The following CCDC14 variants were observed in gnomAD, a reference collection of about 807,000 sequenced individuals.
CCDC14 encodes the protein coiled-coil domain-containing protein 14.
In CCDC14, 71 loss-of-function variants were observed where a neutral mutation model predicts 81.4. The observed-to-expected ratio is 0.87, with a 90% CI of 0.72 to 1.06. The LOEUF is 1.06. CCDC14 is among the 50% of genes least tolerant of loss of function. CCDC14 has a pLI of 0.00. For missense variants in CCDC14, 1,046 were observed against 1,047.3 expected, an observed-to-expected ratio of 1.00 and a Z score of 0.02; for synonymous variants, 332 against 364.8, an observed-to-expected ratio of 0.91 and a Z score of 1.03.
chr3:123,931,314 T>G lies in CCDC14; in HGVS notation c.1639A>C (p.Lys547Gln). 1 of 1,534,616 alleles carries G rather than the reference T, an allele frequency of 6.5e-7. No individual in the cohort carries two copies. Among genetic ancestry groups the G allele is most frequent in the Non-Finnish European group, 8.8e-7 (1 of 1,130,950 alleles). ...CTACTGTCTAAATACGTACCAATTT[T>G]TATTCTTGTTATCTCAATATCATAT... Reference protein sequence around the residue: ...QQYDIEITRIKIELEEALVNV... With the variant: ...QQYDIEITRIQIELEEALVNV... Residue 547 changes from lysine to glutamine, a missense_variant, in exon 11 of 13, where the codon AAA (lysine) becomes CAA (glutamine). Transcript: ENST00000409697.
intron 9 of CCDC14, among the ~76,000 whole-genome samples, chr3:123,943,466 C>T (rs1242482435): frequency 6.6e-6 from 1 of 152,076 alleles, no homozygotes; most frequent in Non-Finnish European, 1.5e-5. Flanking sequence ...ATACTCTAAT[C>T]TTCTCCCACC....
In CCDC14 at chr3:123,915,482, G is replaced by C. The variant is rs774375265; in HGVS notation, c.2015C>G (p.Pro672Arg). ...STIKNEETIE[P>R]DKTYENVLSS... is the part of the protein sequence containing the mutation. ...CAGAACATTTTCATAGGTTTTGTCT[G>C]GCTCTATGGTTTCCTCATTTTTAAT... Residue 672 changes from proline to arginine, a missense_variant, in exon 13 of 13, where the codon CCA becomes CGA. Physicochemically the swap from Pro to Arg is moderately radical, Grantham distance 103 (BLOSUM62 -2). Transcript: ENST00000409697. 2 of 1,613,958 alleles carry C rather than the reference G, an allele frequency of 1.2e-6. No individual in the cohort carries two copies. The highest frequency in any genetic ancestry group is 1.7e-6 in the Non-Finnish European group (2 of 1,179,866).
chr3:123,930,630 C>T (rs2035638852), intron 12 of CCDC14: 1 of 152,592 alleles, frequency 6.6e-6, no homozygotes, highest in Admixed American at 6.5e-5. Flanking sequence ...AAGAGGCTGA[C>T]TTACCCAAGA....
chr3:123,930,577 G>A (rs139510924), intron 12 of CCDC14, among the ~76,000 whole-genome samples: 141 of 152,240 alleles, frequency 9.3e-4, no homozygotes, highest in African/African-American at 3.1e-3. Context: ...TGATCTCAAG[G>A]GGTACTGCCA....
At chr3:123,926,221 T>TG (rs1272830142) in intron 12 of CCDC14, among the ~76,000 whole-genome samples, 1 of 152,140 alleles carries the variant, frequency 6.6e-6, no homozygotes, top group African/African-American at 2.4e-5. Flanking sequence ...AATCTTCTGA[T>TG]GTATAAACAG....
chr3:123,948,908 G>C lies in CCDC14; in HGVS notation c.577C>G (p.Pro193Ala). ...NGIPAVPCHA[P>A]SHSESQATPH... The stretch of plus-strand genomic sequence containing the variant: ...CATTCGTACTCACCAGAATGAGAGG[G>C]AGCATGGCATGGTACAGCAGGAATT... Residue 193 changes from proline to alanine, a missense_variant, in exon 6 of 13, where the codon CCC becomes GCC. Coordinates refer to ENST00000409697, the MANE Select transcript of CCDC14 (RefSeq NM_001366335.1). 6.2e-7 allele frequency: 1 copy of C among 1,613,036 alleles called. No homozygotes were observed. The highest frequency in any genetic ancestry group is 8.5e-7 in the Non-Finnish European group (1 of 1,179,096).
In CCDC14 at chr3:123,928,609, G is replaced by T. The variant is rs185018586; in HGVS notation, c.1778+2493C>A. ...CAATGTGGATATTTAGCAACTAAAA[G>T]TAATTAAATATTTTTATGTATGCTT... On this transcript the variant is annotated intron_variant, in intron 12 of 12. Transcript: ENST00000409697. Among the ~76,000 whole-genome samples the T allele has an allele frequency of 5.5e-3, 834 of 152,234 alleles. 11 individuals carry two copies. Among genetic ancestry groups the T allele is most frequent in the African/African-American group, 0.019 (791 of 41,526 alleles).
chr3:123,931,754 A>T (rs868301476), intron 10 of CCDC14, among the ~76,000 whole-genome samples: 56 of 152,310 alleles, frequency 3.7e-4, no homozygotes, highest in African/African-American at 1.3e-3. Context: ...AATTTTTTAA[A>T]CCCTTTTAAA....
At chr3:123,891,900 G>C in the CCDC14 span, among the ~76,000 whole-genome samples, 9 of 152,334 alleles carry the variant, frequency 5.9e-5, no homozygotes, top group African/African-American at 2.2e-4. Context: ...TGGGAAGAAA[G>C]AGAGGTTTAA....
chr3:123,936,728 A>G (rs1262472589), intron 9 of CCDC14, among the ~76,000 whole-genome samples: 1 of 152,084 alleles, frequency 6.6e-6, no homozygotes, highest in East Asian at 1.9e-4. Context: ...AGCAGAAAAG[A>G]TAACTATTGT....
At chr3:123,939,170 C>A (rs1411368236) in intron 9 of CCDC14, among the ~76,000 whole-genome samples, 1 of 151,762 alleles carries the variant, frequency 6.6e-6, no homozygotes, top group South Asian at 2.1e-4. Context: ...GACAGCTAGA[C>A]CACATTAGAG....
At chr3:123,952,631 C>T (rs2037083118) in intron 5 of CCDC14, 1 of 529,020 alleles carries the variant, frequency 1.9e-6, no homozygotes, top group Admixed American at 1.9e-5. Context: ...GGTAGGCATT[C>T]AATGATCATA....
Position 123,931,192 on chromosome 3 carries a change from T to G in CCDC14, c.1688A>C (p.Lys563Thr). 4 of 1,612,910 alleles carry G rather than the reference T, an allele frequency of 2.5e-6. No homozygotes were observed. The highest frequency in any genetic ancestry group is 2.5e-6 in the Non-Finnish European group (3 of 1,179,596). ...GTTTTCCTTTTCAGCAGTTTCTAAC[T>G]TAAACTGGGAGCTTTTCACATTGAC... ...ALVNVKSSQF[K>T]LETAEKENQI... is the part of the protein sequence containing the mutation. The change falls in exon 12 of 13, where the codon AAG (lysine) becomes ACG (threonine). Residue 563 changes from lysine (K) to threonine (T), a missense_variant. Transcript: ENST00000409697.
chr3:123,926,131 TAGATAAAATCAG>T (rs1258980869), intron 12 of CCDC14, among the ~76,000 whole-genome samples: 1 of 152,208 alleles, frequency 6.6e-6, no homozygotes, highest in East Asian at 1.9e-4. Context: ...ACTGTTGCTA[TAGATAAAATCAG>T]AGATAAAGAA....
At chr3:123,953,470 A>C (rs1269678998) in intron 5 of CCDC14, 1 of 152,204 alleles carries the variant, frequency 6.6e-6, no homozygotes, top group Non-Finnish European at 1.5e-5. Flanking sequence ...CCAACACAAT[A>C]TGCTGATGCA....
chr3:123,941,406 T>C (rs751929029), intron 9 of CCDC14, among the ~76,000 whole-genome samples: 10 of 151,826 alleles, frequency 6.6e-5, no homozygotes, highest in African/African-American at 9.7e-5. Context: ...AAAAGAAACA[T>C]GTAGTTTCCA....
rs191834144 is a variant in CCDC14 at position 123,906,064 on chromosome 3, T to C, written c.668-8451A>G. ...GATCACATCAGGCCGGGCGCAGTGC[T>C]CACGCCTGTAATCCCAGCACTTTGG... On this transcript the variant is annotated intron_variant, in intron 5 of 5. Transcript: ENST00000479903. Among the ~76,000 whole-genome samples, 31 of 152,184 alleles carry C rather than the reference T, an allele frequency of 2.0e-4. No homozygotes were observed. The South Asian group carries it at 5.0e-3, about 24-fold the overall frequency.
intron 9 of CCDC14, among the ~76,000 whole-genome samples, chr3:123,937,880 C>T (rs1040968364): frequency 6.6e-5 from 10 of 151,804 alleles, no homozygotes; most frequent in African/African-American, 2.2e-4. Flanking sequence ...AAAAACATGA[C>T]TCTCTCATTG....
chr3:123,905,455 AC>A (rs1455760982), intron 5 of CCDC14, among the ~76,000 whole-genome samples: 2 of 152,154 alleles, frequency 1.3e-5, no homozygotes, highest in African/African-American at 4.8e-5. Context: ...AGAGCGGCTA[AC>A]AACAGGTGCA....
Sources: allele counts gnomAD v4.1 joint callset (sites outside exome capture counted in the v4.1 genomes callset), GRCh38; gene constraint gnomAD v4.1.1; transcripts MANE v1.5; gene names NCBI Gene and HGNC (gene_info 2026-07-23, HGNC 2026-07-21).